Variants in MED23 observed in about 807,000 individuals in gnomAD.
MED23 encodes mediator complex subunit 23.
In MED23, 105 loss-of-function variants were observed where a neutral mutation model predicts 163.9. The observed-to-expected ratio is 0.64, with a 90% confidence interval of 0.55 to 0.75. The LOEUF is 0.75. MED23 is among the 30% of genes least tolerant of loss of function. MED23 has a pLI of 0.00. For missense variants in MED23, 1,054 were observed against 1,649.0 expected, an observed-to-expected ratio of 0.64 and a Z score of 6.25; for synonymous variants, 561 against 565.6, an observed-to-expected ratio of 0.99 and a Z score of 0.12.
chr6:131,574,848 A>G (rs544771476), intron 30 of MED23, among the ~76,000 whole-genome samples: 1 of 152,326 alleles, frequency 6.6e-6, no homozygotes, highest in East Asian at 1.9e-4. Flanking sequence ...TTGGGTTAAA[A>G]AAAAGCCCAG....
At chr6:131,625,048 G>A (rs1018371233) in intron 3 of MED23, 59 bp from the exon 4 acceptor site, 54 of 1,519,116 alleles carry the variant, frequency 3.6e-5, no homozygotes, top group Non-Finnish European at 4.7e-5. Flanking sequence ...ATAACCAATA[G>A]CTAATACTAC....
chr6:131,604,352 T>C, intron 14 of MED23, 32 bp from the exon 15 acceptor site: 2 of 1,610,526 alleles, frequency 1.2e-6, no homozygotes, highest in South Asian at 1.1e-5. Flanking sequence ...AAAATAAAAA[T>C]CCATATTTTT....
chr6:131,587,332 A>G lies in MED23; in HGVS notation c.*347T>C. The G allele has an allele frequency of 9.0e-7, 1 of 1,112,812 alleles. No homozygotes were observed. The highest frequency in any genetic ancestry group is 1.1e-6 in the Non-Finnish European group (1 of 909,456). The allele number at this position is 1,112,812 out of a possible 1,614,324, so 68.9% of individuals were successfully genotyped here. A position where few individuals can be genotyped will look rare whatever the true frequency, so the allele number is the denominator to read the frequency against. On this transcript the variant is annotated 3_prime_UTR_variant, in exon 29 of 29. Transcript: ENST00000368068. ...TATCTGAAGACTAAATATGTCATTA[A>G]TAATAAAAAATACAAACAAAAACAA...
Position 131,618,415 on chromosome 6 carries a change from A to G in MED23, c.772T>C (p.Tyr258His), listed in dbSNP as rs199648460. 6.2e-7 allele frequency: 1 copy of G among 1,611,174 alleles called. No homozygotes were observed. The highest frequency in any genetic ancestry group is 2.2e-5 in the East Asian group (1 of 44,846). Reference sequence around the variant, plus strand: ...TATATTTAGCAACATACCTTATCATATGGCAAAAGGCCTTTCAAAGGAAAA... The same window carrying G: ...TATATTTAGCAACATACCTTATCATGTGGCAAAAGGCCTTTCAAAGGAAAA... ...LRFPLKGLLP[Y>H]DKDLFEPQTA... is the part of the protein sequence containing the mutation. The change falls in exon 9 of 29, where the codon TAT (tyrosine) becomes CAT (histidine). Residue 258 changes from tyrosine to histidine, a missense_variant. Transcript: ENST00000368068.
At chr6:131,622,040 G>A (rs1252721445) in intron 5 of MED23, 61 bp from the exon 6 acceptor site, 15 of 1,249,174 alleles carry the variant, frequency 1.2e-5, no homozygotes, top group South Asian at 2.4e-5. Flanking sequence ...TAGCTAAAAC[G>A]TCCGAAGGTT....
chr6:131,603,830 T>C (rs1265749833), intron 15 of MED23, among the ~76,000 whole-genome samples: 1 of 152,244 alleles, frequency 6.6e-6, no homozygotes, highest in East Asian at 1.9e-4. Context: ...TCGTATGCAC[T>C]GGAGGACAGC....
intron 30 of MED23, among the ~76,000 whole-genome samples, chr6:131,577,291 C>T (rs1773665651): frequency 6.6e-6 from 1 of 152,112 alleles, no homozygotes; most frequent in Non-Finnish European, 1.5e-5. Context: ...CTGGAACCCT[C>T]ATATATTTCT....
At chr6:131,594,000 C>T in intron 23 of MED23, 99 bp downstream of exon 23, 1 of 1,048,442 alleles carries the variant, frequency 9.5e-7, no homozygotes, top group Non-Finnish European at 1.4e-6. Flanking sequence ...AAATTAAAAC[C>T]TTGAAATACA....
intron 20 of MED23, 23 bp from the exon 21 acceptor site, chr6:131,596,711 T>C (rs1178553444): frequency 7.4e-6 from 12 of 1,610,906 alleles, no homozygotes; most frequent in Non-Finnish European, 9.3e-6. Flanking sequence ...ACAGAAAAAT[T>C]ATATGAAAAT....
intron 25 of MED23, 142 bp downstream of exon 25, chr6:131,592,246 A>C: frequency 1.3e-6 from 1 of 759,038 alleles, no homozygotes; most frequent in South Asian, 1.6e-5. Flanking sequence ...ATAATATGAA[A>C]AAACTTTAAA....
At chr6:131,590,145 C>T (rs1422791427) in intron 27 of MED23, among the ~76,000 whole-genome samples, 177 bp downstream of exon 27, 1 of 152,222 alleles carries the variant, frequency 6.6e-6, no homozygotes, top group African/African-American at 2.4e-5. Flanking sequence ...CAATTCAATA[C>T]ATCCCACCCT....
rs377542582 is a variant in MED23, at chr6:131,587,655, C to T, written c.*24G>A. The T allele has an allele frequency of 6.2e-6, 10 of 1,613,820 alleles. No individual in the cohort carries two copies. In the African/African-American group the frequency reaches 9.3e-5, roughly 15 times the overall value. On this transcript the variant is annotated 3_prime_UTR_variant, in exon 29 of 29. Transcript: ENST00000368068. ...ACTCTCAAAGACGGATATATTTCTA[C>T]TTTCTCCACAGTACAGTCTGGCTTC...
chr6:131,597,883 C>T (rs907468267), intron 20 of MED23, among the ~76,000 whole-genome samples: 2 of 151,668 alleles, frequency 1.3e-5, no homozygotes, highest in African/African-American at 2.4e-5. Context: ...CCCAGGAGTT[C>T]GAGACCAGCC....
intron 30 of MED23, chr6:131,579,343 TAAG>T (rs1773797181): frequency 6.3e-7 from 1 of 1,582,268 alleles, no homozygotes; most frequent in Non-Finnish European, 8.6e-7. Context: ...ACCAAGGCCA[TAAG>T]AAGAGAGAAA....
At position 131,591,182 on chromosome 6, in the gene MED23, G is replaced by T; in HGVS notation, c.3686+131C>A. On this transcript the variant is annotated intron_variant, in intron 26 of 28. Transcript: ENST00000368068. ...TTTAGTAGAGATGGGGTTTCACAAT[G>T]TTGGCCAGGATGGTCTCAATCGCCT... 4.2e-6 allele frequency: 3 copies of T among 711,502 alleles called. No homozygotes were observed. In the South Asian group the frequency reaches 4.6e-5, roughly 11 times the overall value. 44.1% of individuals were successfully genotyped at this position (711,502 alleles called of 1,614,324 possible).
chr6:131,604,359 T>C, intron 14 of MED23, 39 bp from the exon 15 acceptor site: 1 of 1,605,958 alleles, frequency 6.2e-7, no homozygotes, highest in Non-Finnish European at 8.5e-7. Context: ...AAATCCATAT[T>C]TTTGACATAA....
intron 15 of MED23, 22 bp downstream of exon 15, chr6:131,604,156 A>C (rs2114664242): frequency 6.2e-7 from 1 of 1,612,622 alleles, no homozygotes; most frequent in African/African-American, 1.3e-5. Flanking sequence ...ATAGTTATAA[A>C]CACCAGAAAG....
chr6:131,586,595 T>C (rs933358247), downstream of MED23: 6 of 305,028 alleles, frequency 2.0e-5, no homozygotes, highest in Non-Finnish European at 3.2e-5. Context: ...TAGTTCTTTT[T>C]AAAAGAATCT....
At position 131,615,977 on chromosome 6, in the gene MED23, A is replaced by G. The variant is rs2114729582; in HGVS notation, c.806T>C (p.Leu269Ser). ...AGGCTGCTCCAATACATATCTCAACAAAGCAGTCTGTGGTTCAAACAGATC... is the reference window on the plus strand; with the variant it reads ...AGGCTGCTCCAATACATATCTCAACGAAGCAGTCTGTGGTTCAAACAGATC... ...DKDLFEPQTA[L>S]LRYVLEQPYS... Residue 269 changes from leucine to serine, a missense_variant, in exon 10 of 29, where the codon TTG (leucine) becomes TCG (serine). Physicochemically the swap from Leu to Ser is moderately radical, Grantham distance 145. Around this residue, in one of 11 missense-constraint regions of MED23, gnomAD observed 54 missense variants for 79.7 expected, o/e 0.68. Transcript: ENST00000368068. 1 of 1,613,710 alleles carries G rather than the reference A, an allele frequency of 6.2e-7. No individual in the cohort carries two copies. Among genetic ancestry groups the G allele is most frequent in the East Asian group, 2.2e-5 (1 of 44,824 alleles).
Sources: allele counts gnomAD v4.1 joint callset (sites outside exome capture counted in the v4.1 genomes callset), GRCh38; gene constraint gnomAD v4.1.1; regional missense constraint gnomAD v4.1.1; transcripts MANE v1.5; gene names NCBI Gene and HGNC (gene_info 2026-07-23, HGNC 2026-07-21).